The following MICAL2 variants were observed in gnomAD, a reference collection of about 807,000 sequenced individuals.
MICAL2 encodes [F-actin]-monooxygenase MICAL2.
Under a neutral mutation model 127.3 loss-of-function variants are expected in MICAL2, and 77 were observed. The observed-to-expected ratio is 0.60, with a 90% confidence interval of 0.50 to 0.73. The LOEUF (loss-of-function observed/expected upper bound fraction) is 0.73, where lower values mean the gene tolerates loss of function less well. Ranked by LOEUF, MICAL2 falls within the 30% of genes least tolerant of loss-of-function variation. The pLI, the probability that MICAL2 is intolerant of heterozygous loss-of-function variation, is 0.00. For missense variants in MICAL2, 1,351 were observed against 1,434.4 expected, an observed-to-expected ratio of 0.94 and a Z score of 0.94; for synonymous variants, 570 against 551.1, an observed-to-expected ratio of 1.03 and a Z score of -0.48.
Position 12,239,561 on chromosome 11 carries a change from T to C in MICAL2, c.2190T>C (p.Thr730=), listed in dbSNP as rs764057524. 1.2e-6 allele frequency: 2 copies of C among 1,614,192 alleles called. No individual in the cohort carries two copies. The highest frequency in any genetic ancestry group is 3.3e-5 in the Admixed American group (2 of 60,008). Residue 730 remains threonine (T), a synonymous_variant, in exon 17 of 28, where the codon ACT becomes ACC. Coordinates refer to ENST00000683283, the MANE Select transcript of MICAL2 (RefSeq NM_001282663.2). ...TGCTGGCCAAGTTTGAGGAGAGCAC[T>C]CGGAACCCCTCACTCATGAAGCAGG... ...NQLLAKFEES[T]RNPSLMKQER... is the part of the protein sequence containing the mutation.
At chr11:12,201,733 G>A (rs1214103849) in intron 3 of MICAL2, among the ~76,000 whole-genome samples, 5 of 152,340 alleles carry the variant, frequency 3.3e-5, no homozygotes, top group East Asian at 1.9e-4. Context: ...AGGACCGAGC[G>A]TGGGACTTGT....
At chr11:12,219,266 T>C (rs1183818780) in intron 8 of MICAL2, among the ~76,000 whole-genome samples, 1 of 152,132 alleles carries the variant, frequency 6.6e-6, no homozygotes, top group Non-Finnish European at 1.5e-5. Context: ...GCTTGGACTC[T>C]GGGGATACAC....
In MICAL2 at chr11:12,242,359, C is replaced by T. The variant is rs1166042941; in HGVS notation, c.2483C>T (p.Ser828Phe). ...ACAGAAAATTTCGCTACCCTGCCTT[C>T]TACCCGCCCGAGGGCGCAGGCTCTT... ...GGTENFATLPSTRPRAQALSG... is the reference protein window; with the variant it reads ...GGTENFATLPFTRPRAQALSG... The change falls in exon 19 of 28, where the codon TCT becomes TTT. Residue 828 changes from serine (S) to phenylalanine (F), a missense_variant. Physicochemically the swap from Ser to Phe is radical, Grantham distance 155 (BLOSUM62 -2). This residue lies in a region of MICAL2 where 752 missense variants were observed against 719.4 expected (regional missense o/e 1.05). Transcript: ENST00000683283. The T allele has an allele frequency of 1.9e-6, 3 of 1,613,996 alleles. No individual in the cohort carries two copies. The highest frequency in any genetic ancestry group is 2.5e-6 in the Non-Finnish European group (3 of 1,179,980).
intron 2 of MICAL2, among the ~76,000 whole-genome samples, chr11:12,149,737 C>T (rs956384152): frequency 1.3e-5 from 2 of 152,102 alleles, no homozygotes; most frequent in Non-Finnish European, 2.9e-5. Context: ...ATTGGCCACA[C>T]GTGAGGTCTC....
Position 12,262,140 on chromosome 11 carries a change from C to T in MICAL2, c.3335-340C>T. 4 of 1,182,140 alleles carry T rather than the reference C, an allele frequency of 3.4e-6. No homozygotes were observed. In the East Asian group the frequency reaches 2.1e-4, roughly 63 times the overall value. The allele number at this position is 1,182,140 out of a possible 1,614,324, so 73.2% of individuals were successfully genotyped here. The stretch of plus-strand genomic sequence containing the variant: ...ACCTTTCTGGTGGGCAGCACCGACA[C>T]CCAGGGGTGGACCCCCGAGGATGAA... On this transcript the variant is annotated intron_variant, in intron 26 of 27. Coordinates refer to ENST00000683283, the MANE Select transcript of MICAL2 (RefSeq NM_001282663.2).
intron 2 of MICAL2, chr11:12,153,212 G>A (rs1463069392): frequency 6.6e-6 from 1 of 151,422 alleles, no homozygotes; most frequent in East Asian, 2.0e-4. Flanking sequence ...ATTTTTCTTT[G>A]TTTTTTTGTA....
chr11:12,218,342 G>A (rs1335938724), intron 8 of MICAL2, among the ~76,000 whole-genome samples: 2 of 152,116 alleles, frequency 1.3e-5, no homozygotes, highest in Non-Finnish European at 2.9e-5. Context: ...TGCTCCCTAT[G>A]GTTTTGCTCC....
At chr11:12,271,896 A>T (rs1863679869), upstream of MICAL2, among the ~76,000 whole-genome samples, 1 of 152,130 alleles carries the variant, frequency 6.6e-6, no homozygotes, top group Non-Finnish European at 1.5e-5. Flanking sequence ...CATTGGCAAA[A>T]GGGGGCCCAG....
rs747844311 is a variant in MICAL2 at position 12,236,178 on chromosome 11, T to TG, written c.1999dup (p.Asp667GlyfsTer8). 1 of 1,614,078 alleles carries TG rather than the reference T, an allele frequency of 6.2e-7. No homozygotes were observed. The highest frequency in any genetic ancestry group is 2.2e-5 in the East Asian group (1 of 44,874). The stretch of plus-strand genomic sequence containing the variant: ...ACCCTGCTTTCTTGGCCATTGCAGG[T>TG]GGATGGTCAAACCGGAGAGAATGAC... On this transcript the variant is annotated frameshift_variant and splice_region_variant, in exon 16 of 28. Coordinates refer to ENST00000683283, the MANE Select transcript of MICAL2 (RefSeq NM_001282663.2). LOFTEE classifies it high-confidence loss of function.
At chr11:12,294,368 A>T (rs1493954), downstream of MICAL2, 3 of 1,614,004 alleles carry the variant, frequency 1.9e-6, no homozygotes, top group East Asian at 6.7e-5. Flanking sequence ...TCGCTCATTC[A>T]GCCTTCGGAA....
At chr11:12,271,761 C>T (rs1863678729), upstream of MICAL2, among the ~76,000 whole-genome samples, 1 of 152,160 alleles carries the variant, frequency 6.6e-6, no homozygotes, top group Non-Finnish European at 1.5e-5. Flanking sequence ...AGCCACTTGA[C>T]TGGAGGAATT....
intron 15 of MICAL2, 142 bp from the exon 16 acceptor site, chr11:12,236,035 T>A: frequency 2.8e-6 from 2 of 702,978 alleles, no homozygotes; most frequent in East Asian, 5.2e-5. Flanking sequence ...CTACCACTCC[T>A]GCCTGTAGGC....
chr11:12,311,484 T>C (rs1202008126), intron 29 of MICAL2, among the ~76,000 whole-genome samples: 1 of 152,212 alleles, frequency 6.6e-6, no homozygotes, highest in Admixed American at 6.5e-5. Context: ...CGATCTTGAC[T>C]CACTGCAACC....
At chr11:12,224,567 G>A (rs1392478563) in intron 12 of MICAL2, 106 bp from the exon 13 acceptor site, 1 of 1,482,684 alleles carries the variant, frequency 6.7e-7, no homozygotes, top group African/African-American at 1.4e-5. Flanking sequence ...TTGCCTTGGG[G>A]CCGCTCGTCC....
At chr11:12,188,201 A>T (rs1858573029) in intron 3 of MICAL2, among the ~76,000 whole-genome samples, 1 of 152,218 alleles carries the variant, frequency 6.6e-6, no homozygotes, top group Admixed American at 6.5e-5. Context: ...TATTTTATCG[A>T]TACTTTTTAT....
intron 22 of MICAL2, chr11:12,253,634 G>A (rs1042531117): frequency 6.6e-6 from 1 of 152,206 alleles, no homozygotes; most frequent in Non-Finnish European, 1.5e-5. Context: ...TTCTACGAGC[G>A]ATCCTTGCAA....
intron 26 of MICAL2, chr11:12,261,127 C>A: frequency 1.0e-6 from 1 of 985,514 alleles, no homozygotes; most frequent in Non-Finnish European, 1.2e-6. Flanking sequence ...ATGTGGTGTC[C>A]TTTGGGACTG....
chr11:12,182,887 A>T (rs1857656610), intron 3 of MICAL2, among the ~76,000 whole-genome samples: 1 of 152,136 alleles, frequency 6.6e-6, no homozygotes, highest in South Asian at 2.1e-4. Flanking sequence ...CCTTGGGGTA[A>T]CATGTTCTGA....
intron 2 of MICAL2, among the ~76,000 whole-genome samples, chr11:12,281,863 G>C (rs1441532088): frequency 1.3e-5 from 2 of 152,194 alleles, no homozygotes; most frequent in Admixed American, 1.3e-4. Flanking sequence ...CTGGAACTGA[G>C]TGTTTTGATT....
Sources: gnomAD v4.1 joint callset for allele counts (sites outside exome capture counted in the v4.1 genomes callset) on GRCh38, gnomAD v4.1.1 for gene constraint, gnomAD v4.1.1 regional missense constraint, MANE v1.5 for transcripts, NCBI Gene and HGNC (gene_info 2026-07-23, HGNC 2026-07-21) for gene names.